Variants in THSD7A observed in about 807,000 individuals in gnomAD.
THSD7A encodes the protein thrombospondin type 1 domain containing 7A.
In THSD7A, 96 loss-of-function variants were observed where a neutral mutation model predicts 231.3. The ratio of observed to expected loss-of-function variants is 0.41; its 90% CI spans 0.35 to 0.49. The LOEUF (loss-of-function observed/expected upper bound fraction) is 0.49. Ranked by LOEUF, THSD7A falls within the 20% of genes least tolerant of loss-of-function variation. THSD7A has a pLI of 0.05. For synonymous variants in THSD7A, 940 were observed against 743.3 expected, an observed-to-expected ratio of 1.26 and a Z score of -4.30; for missense variants, 2,290 against 2,070.2, an observed-to-expected ratio of 1.11 and a Z score of -2.06.
intron 6 of THSD7A, among the ~76,000 whole-genome samples, chr7:11,528,462 C>T (rs1392974449): frequency 1.3e-5 from 2 of 151,962 alleles, no homozygotes; most frequent in Admixed American, 6.6e-5. Context: ...TCCCAGCAAG[C>T]CTCAATAATT....
At chr7:11,650,343 T>G (rs1036634790) in intron 1 of THSD7A, among the ~76,000 whole-genome samples, 1 of 152,048 alleles carries the variant, frequency 6.6e-6, no homozygotes, top group Non-Finnish European at 1.5e-5. Flanking sequence ...TTTCTGGAAT[T>G]CTTCCAAAGA....
chr7:11,538,749 ATCCCTCTGTTT>A (rs1355271944), intron 6 of THSD7A, among the ~76,000 whole-genome samples: 1 of 151,916 alleles, frequency 6.6e-6, no homozygotes, highest in Non-Finnish European at 1.5e-5. Flanking sequence ...ACTCTCTTAC[ATCCCTCTGTTT>A]TCTTCTCTGA....
Position 11,469,891 on chromosome 7 carries a change from A to G in THSD7A, c.2356T>C (p.Ser786Pro). The G allele has an allele frequency of 6.3e-7, 1 of 1,594,696 alleles. No homozygotes were observed. The highest frequency in any genetic ancestry group is 8.6e-7 in the Non-Finnish European group (1 of 1,168,632). Residue 786 changes from serine to proline, a missense_variant, in exon 9 of 28, where the codon TCG becomes CCG. Coordinates refer to ENST00000423059, the MANE Select transcript of THSD7A (RefSeq NM_015204.3). ...CTGCAGACCATACCTTCTTTACACG[A>G]AGAGGGGCATGATGTCCAGTCACTA... ...PYSDWTSCPS[S>P]CKEGDSSIRK...
chr7:11,597,557 G>A lies in THSD7A; in HGVS notation c.1023-4055C>T, dbSNP rs556578985. ...TGGAGCCTTTGGCAGGCCCCCATAG[G>A]TGAATCACATCAGAGGCCTCTAGGA... On this transcript the variant is annotated intron_variant, in intron 2 of 27. Coordinates refer to ENST00000423059, the MANE Select transcript of THSD7A (RefSeq NM_015204.3). Among the ~76,000 whole-genome samples the A allele has an allele frequency of 5.9e-5, 9 of 152,286 alleles. No homozygotes were observed. In the East Asian group the frequency reaches 1.5e-3, roughly 26 times the overall value.
intron 1 of THSD7A, among the ~76,000 whole-genome samples, chr7:11,721,578 T>C (rs901807486): frequency 1.5e-4 from 23 of 151,800 alleles, no homozygotes; most frequent in Non-Finnish European, 2.1e-4. Context: ...TAGTTCTTTA[T>C]AGCAATGTGA....
intron 2 of THSD7A, among the ~76,000 whole-genome samples, chr7:11,604,434 T>C (rs1780669822): frequency 6.6e-6 from 1 of 152,162 alleles, no homozygotes; most frequent in Non-Finnish European, 1.5e-5. Flanking sequence ...TATCCATGTA[T>C]TTGTTTTTAA....
At chr7:11,744,533 C>T (rs929342142) in intron 1 of THSD7A, among the ~76,000 whole-genome samples, 3 of 151,380 alleles carry the variant, frequency 2.0e-5, no homozygotes, top group African/African-American at 7.3e-5. Flanking sequence ...TGTTGGTGTG[C>T]TGCACCTATT....
At chr7:11,740,035 G>A (rs1319228882) in intron 1 of THSD7A, among the ~76,000 whole-genome samples, 1 of 151,942 alleles carries the variant, frequency 6.6e-6, no homozygotes, top group Non-Finnish European at 1.5e-5. Flanking sequence ...CATGAGGGAG[G>A]AAGAAACTTT....
intron 4 of THSD7A, among the ~76,000 whole-genome samples, chr7:11,579,117 G>C (rs1446512252): frequency 6.6e-6 from 1 of 152,258 alleles, no homozygotes; most frequent in South Asian, 2.1e-4. Flanking sequence ...TAAATGATGA[G>C]ACCTTTCCAA....
chr7:11,772,228 CAG>C (rs948518847), intron 1 of THSD7A, among the ~76,000 whole-genome samples: 1 of 151,474 alleles, frequency 6.6e-6, no homozygotes, highest in Non-Finnish European at 1.5e-5. Context: ...CAAAACAAAA[CAG>C]ATGCTGGCAA....
At chr7:11,763,467 T>C (rs530599382) in intron 1 of THSD7A, among the ~76,000 whole-genome samples, 1 of 152,336 alleles carries the variant, frequency 6.6e-6, no homozygotes, top group Non-Finnish European at 1.5e-5. Context: ...TGTATATGCA[T>C]ATATATCCAT....
intron 6 of THSD7A, among the ~76,000 whole-genome samples, chr7:11,522,864 T>C (rs1788322132): frequency 6.6e-6 from 1 of 152,064 alleles, no homozygotes; most frequent in Non-Finnish European, 1.5e-5. Flanking sequence ...AATCAACAGG[T>C]ACATATGATA....
chr7:11,479,963 T>C (rs891120401), intron 7 of THSD7A, among the ~76,000 whole-genome samples: 3 of 152,202 alleles, frequency 2.0e-5, no homozygotes, highest in Non-Finnish European at 2.9e-5. Context: ...TCTGAGGTGA[T>C]AGATATGCTA....
At chr7:11,735,385 A>G (rs1781881676) in intron 1 of THSD7A, among the ~76,000 whole-genome samples, 1 of 151,986 alleles carries the variant, frequency 6.6e-6, no homozygotes, top group Non-Finnish European at 1.5e-5. Context: ...TGCCAACATG[A>G]TGCCACAAGT....
intron 2 of THSD7A, among the ~76,000 whole-genome samples, chr7:11,599,295 G>A (rs59191206): frequency 0.017 from 2,593 of 152,270 alleles, 72 homozygotes; most frequent in African/African-American, 0.059. Flanking sequence ...CACTCCACCA[G>A]GAAAAATACC....
At chr7:11,792,141 T>C (rs972964973) in intron 1 of THSD7A, among the ~76,000 whole-genome samples, 1 of 151,976 alleles carries the variant, frequency 6.6e-6, no homozygotes, top group African/African-American at 2.4e-5. Flanking sequence ...CTCGTCATTA[T>C]ATTTATTCTC....
At chr7:11,726,082 A>G (rs775319126) in intron 1 of THSD7A, among the ~76,000 whole-genome samples, 33 of 152,008 alleles carry the variant, frequency 2.2e-4, no homozygotes, top group Non-Finnish European at 4.1e-4. Flanking sequence ...TGCTTTATAG[A>G]GAAACAAGAT....
intron 11 of THSD7A, among the ~76,000 whole-genome samples, chr7:11,449,427 C>T (rs1341227515): frequency 6.6e-6 from 1 of 151,952 alleles, no homozygotes; most frequent in African/African-American, 2.4e-5. Context: ...TTGAGACCCA[C>T]CAGCTTGAGT....
rs114246156 is a variant in THSD7A at position 11,557,716 on chromosome 7, T to C, written c.1454-14599A>G. 4.4e-3 allele frequency among the ~76,000 whole-genome samples: 667 copies of C among 152,272 alleles called. 3 individuals carry two copies. Among genetic ancestry groups the C allele is most frequent in the African/African-American group, 0.015 (643 of 41,554 alleles). On this transcript the variant is annotated intron_variant, in intron 4 of 27. Transcript: ENST00000423059. ...ACCTCCATTGATAACAAAGAGGAAC[T>C]TCTAGTTACTTTTATGTGGCTGTGT...
Sources: gnomAD v4.1 joint callset for allele counts (sites outside exome capture counted in the v4.1 genomes callset) on GRCh38, gnomAD v4.1.1 for gene constraint, MANE v1.5 for transcripts, NCBI Gene and HGNC (gene_info 2026-07-23, HGNC 2026-07-21) for gene names.